SLC35F3: variants seen among roughly 807,000 people sequenced by gnomAD.
The protein encoded by SLC35F3 is solute carrier family 35 member F3, also known as putative thiamine transporter SLC35F3.
In SLC35F3, 25 loss-of-function variants were observed where a neutral mutation model predicts 49.9. The observed-to-expected ratio is 0.50, with a 90% confidence interval of 0.37 to 0.70. The LOEUF is 0.70. SLC35F3 is among the 30% of genes least tolerant of loss of function. SLC35F3 has a pLI of 0.00. For synonymous variants in SLC35F3, 275 were observed against 265.4 expected (o/e 1.04, Z -0.35); for missense variants, 525 against 639.8 (o/e 0.82, Z 1.94).
At chr1:233,920,855 T>C (rs1662046247) in intron 2 of SLC35F3, among the ~76,000 whole-genome samples, 1 of 144,238 alleles carries the variant, frequency 6.9e-6, no homozygotes, top group Non-Finnish European at 1.5e-5. Flanking sequence ...AGCAAAAATC[T>C]GAAGCTCTCA....
At chr1:234,111,157 T>G (rs12137041) in intron 2 of SLC35F3, among the ~76,000 whole-genome samples, 3,009 of 152,172 alleles carry the variant, frequency 0.02, 53 homozygotes, top group Non-Finnish European at 0.031. Context: ...GAATTTAATT[T>G]TTAATTATTT....
chr1:234,226,961 G>GCACACACACACACACA (rs57809897), intron 2 of SLC35F3, among the ~76,000 whole-genome samples: 2,058 of 148,702 alleles, frequency 0.014, 42 homozygotes, highest in African/African-American at 0.046. Context: ...GCGCACGCGT[G>GCACACACACACACACA]CACACACACA....
At position 234,197,603 on chromosome 1, in the gene SLC35F3, A is replaced by G. The variant is rs145224549; in HGVS notation, c.284-33814A>G. Among the ~76,000 whole-genome samples, 921 of 152,318 alleles carry G rather than the reference A, an allele frequency of 6.0e-3. 7 individuals carry two copies. The highest frequency in any genetic ancestry group is 0.03 in the South Asian group (147 of 4,828). On this transcript the variant is annotated intron_variant, in intron 2 of 7. Transcript: ENST00000366618. The stretch of plus-strand genomic sequence containing the variant: ...CTCCCTGATGTGGAGAGGGAGCAAG[A>G]AGGGTGCTGGGGGAAGTGAGAGGGG...
At chr1:233,947,907 G>T (rs954603029) in intron 2 of SLC35F3, among the ~76,000 whole-genome samples, 3 of 150,496 alleles carry the variant, frequency 2.0e-5, no homozygotes, top group African/African-American at 7.3e-5. Flanking sequence ...ATCCTGCTGG[G>T]ACTCCCAGGA....
chr1:234,319,902 T>C (rs774747810), intron 6 of SLC35F3, among the ~76,000 whole-genome samples, 196 bp from the exon 7 acceptor site: 4 of 152,092 alleles, frequency 2.6e-5, no homozygotes, highest in Non-Finnish European at 5.9e-5. Context: ...AGGGGCTGAG[T>C]ACTCAGAGTG....
chr1:234,089,748 G>C (rs1011284507), intron 2 of SLC35F3, among the ~76,000 whole-genome samples: 23 of 152,146 alleles, frequency 1.5e-4, no homozygotes, highest in African/African-American at 5.6e-4. Context: ...CGCCACTGGA[G>C]GGGATAGGTT....
chr1:233,913,077 G>T (rs1237070076), intron 2 of SLC35F3, among the ~76,000 whole-genome samples: 1 of 152,212 alleles, frequency 6.6e-6, no homozygotes, highest in East Asian at 1.9e-4. Context: ...GTGTGATAAA[G>T]ATCAGTTTGC....
chr1:234,237,731 C>T (rs559327375), intron 3 of SLC35F3, among the ~76,000 whole-genome samples: 3 of 152,182 alleles, frequency 2.0e-5, no homozygotes, highest in Non-Finnish European at 4.4e-5. Flanking sequence ...CTTTCCAGCA[C>T]CTTCTCTGTC....
chr1:233,971,367 A>G (rs1662989141), intron 2 of SLC35F3, among the ~76,000 whole-genome samples: 1 of 152,224 alleles, frequency 6.6e-6, no homozygotes, highest in Non-Finnish European at 1.5e-5. Context: ...GCAAGGAAAG[A>G]GAGGAGGAAA....
At position 233,985,655 on chromosome 1, in the gene SLC35F3, A is replaced by C. The variant is rs1037078008; in HGVS notation, c.283+79897A>C. ...GTTAGTGAGAGTACATTTTCAGCACAGCCTTTCAGCAATCTGCCTTTCTTT... is the reference window on the plus strand; with the variant it reads ...GTTAGTGAGAGTACATTTTCAGCACCGCCTTTCAGCAATCTGCCTTTCTTT... On this transcript the variant is annotated intron_variant, in intron 2 of 7. Transcript: ENST00000366618. Among the ~76,000 whole-genome samples, 4 of 152,350 alleles carry C rather than the reference A, an allele frequency of 2.6e-5. No homozygotes were observed. The East Asian group carries it at 5.8e-4, about 22-fold the overall frequency.
chr1:234,188,051 C>T (rs1666673291), intron 2 of SLC35F3, among the ~76,000 whole-genome samples: 1 of 152,082 alleles, frequency 6.6e-6, no homozygotes, highest in South Asian at 2.1e-4. Flanking sequence ...TCCTGGCTAA[C>T]ACAGTGAAAC....
intron 2 of SLC35F3, among the ~76,000 whole-genome samples, chr1:234,100,142 A>T (rs945678454): frequency 2.0e-5 from 3 of 152,220 alleles, no homozygotes; most frequent in African/African-American, 7.2e-5. Flanking sequence ...AATTAACAAA[A>T]GAAGAGGAAG....
intron 2 of SLC35F3, among the ~76,000 whole-genome samples, chr1:234,123,039 G>A (rs1038220118): frequency 2.6e-5 from 4 of 152,134 alleles, no homozygotes; most frequent in Admixed American, 1.3e-4. Flanking sequence ...TTGAGGAATT[G>A]CCACACTCTC....
chr1:233,916,795 G>T (rs1369505547), intron 2 of SLC35F3, among the ~76,000 whole-genome samples: 1 of 152,156 alleles, frequency 6.6e-6, no homozygotes, highest in Admixed American at 6.5e-5. Context: ...CCACCATGTG[G>T]TCCCTCTTTA....
chr1:234,294,274 G>A (rs79677537), intron 3 of SLC35F3, among the ~76,000 whole-genome samples: 5,317 of 152,244 alleles, frequency 0.035, 160 homozygotes, highest in African/African-American at 0.08. Context: ...GCGTTGAGCC[G>A]AAGCAACGAA....
intron 2 of SLC35F3, among the ~76,000 whole-genome samples, chr1:233,959,373 A>C (rs1184339342): frequency 6.6e-6 from 1 of 152,218 alleles, no homozygotes; most frequent in East Asian, 1.9e-4. Flanking sequence ...AAAAGAAAAA[A>C]GCAGTAAGTA....
chr1:234,163,159 A>G (rs1397981869), intron 2 of SLC35F3, among the ~76,000 whole-genome samples: 1 of 152,216 alleles, frequency 6.6e-6, no homozygotes, highest in African/African-American at 2.4e-5. Flanking sequence ...TTTCTAAGAC[A>G]TCACAAAATT....
At chr1:234,004,805 A>T (rs1259564593) in intron 2 of SLC35F3, among the ~76,000 whole-genome samples, 3 of 152,186 alleles carry the variant, frequency 2.0e-5, no homozygotes, top group African/African-American at 7.2e-5. Flanking sequence ...TCATGCCCCC[A>T]GTACATGAGT....
intron 2 of SLC35F3, among the ~76,000 whole-genome samples, chr1:233,922,622 CT>C (rs1315518086): frequency 6.7e-6 from 1 of 149,964 alleles, no homozygotes; most frequent in East Asian, 2.0e-4. Context: ...ATGGTAGTTT[CT>C]TTTGCTGTGC....
Sources: gnomAD v4.1 joint callset for allele counts (sites outside exome capture counted in the v4.1 genomes callset) on GRCh38, gnomAD v4.1.1 for gene constraint, MANE v1.5 for transcripts, NCBI Gene and HGNC (gene_info 2026-07-23, HGNC 2026-07-21) for gene names.